EHBP1: variants seen among roughly 807,000 people sequenced by gnomAD.
EHBP1 encodes EH domain binding protein 1.
In EHBP1, 55 loss-of-function variants were observed where a neutral mutation model predicts 144.0. The ratio of observed to expected loss-of-function variants is 0.38; its 90% confidence interval spans 0.31 to 0.48. EHBP1 has a LOEUF of 0.48. Among genes scored for constraint, EHBP1 ranks in the 20% least tolerant of loss-of-function variants. The pLI, the probability that EHBP1 is intolerant of heterozygous loss-of-function variation, is 0.98. For missense variants in EHBP1, 1,200 were observed against 1,364.2 expected (o/e 0.88, Z 1.90); for synonymous variants, 469 against 472.7 (o/e 0.99, Z 0.10).
chr2:62,837,708 G>C (rs2047401730), intron 7 of EHBP1, among the ~76,000 whole-genome samples: 1 of 149,944 alleles, frequency 6.7e-6, no homozygotes, highest in South Asian at 2.1e-4. Flanking sequence ...TGATAAAACA[G>C]ACTTTAAACC....
intron 1 of EHBP1, chr2:62,706,598 C>T (rs1414266188): frequency 6.5e-6 from 1 of 152,870 alleles, no homozygotes; most frequent in Non-Finnish European, 1.5e-5. Context: ...GCTCTGCTCG[C>T]CCTTCAGTGA....
intron 1 of EHBP1, among the ~76,000 whole-genome samples, chr2:62,700,214 A>G (rs983411285): frequency 1.3e-5 from 2 of 152,198 alleles, no homozygotes; most frequent in African/African-American, 4.8e-5. Flanking sequence ...TAGGTTTTAA[A>G]TTATTTTATT....
chr2:62,994,897 T>C (rs1036184947), intron 18 of EHBP1, among the ~76,000 whole-genome samples: 4 of 152,176 alleles, frequency 2.6e-5, no homozygotes, highest in African/African-American at 9.6e-5. Context: ...TACTTAACTA[T>C]ACTATGTACT....
chr2:63,024,593 C>G (rs2060895048), intron 19 of EHBP1, among the ~76,000 whole-genome samples: 1 of 102,816 alleles, frequency 9.7e-6, no homozygotes, highest in Non-Finnish European at 2.0e-5. Flanking sequence ...CACAGCAAGA[C>G]CCTGTCTCAA....
At position 62,857,847 on chromosome 2, in the gene EHBP1, A is replaced by G. The variant is rs898155221; in HGVS notation, c.635-1322A>G. Reference sequence around the variant, plus strand: ...AGCATATACTCTAAAGTTGCCTTAAAAGAACAGATCCTATTAAAAAAAAAA... The same window carrying G: ...AGCATATACTCTAAAGTTGCCTTAAGAGAACAGATCCTATTAAAAAAAAAA... On this transcript the variant is annotated intron_variant, in intron 7 of 22. Coordinates refer to ENST00000431489, the MANE Select transcript of EHBP1 (RefSeq NM_001142616.3). Among the ~76,000 whole-genome samples, 5 of 152,016 alleles carry G rather than the reference A, an allele frequency of 3.3e-5. No individual in the cohort carries two copies. The East Asian group carries it at 9.6e-4, about 29-fold the overall frequency.
intron 19 of EHBP1, among the ~76,000 whole-genome samples, chr2:63,025,381 G>C (rs1480838404): frequency 6.6e-6 from 1 of 152,130 alleles, no homozygotes; most frequent in African/African-American, 2.4e-5. Flanking sequence ...CCCGCCTCAG[G>C]CTCTGAGTGG....
chr2:62,993,562 A>G lies in EHBP1; in HGVS notation c.2766A>G (p.Leu922=), dbSNP rs563507646. 3 of 1,601,520 alleles carry G rather than the reference A, an allele frequency of 1.9e-6. No homozygotes were observed. The highest frequency in any genetic ancestry group is 2.2e-5 in the South Asian group (2 of 89,072). ...CAGAAGATCTCCGGACTGAACGATT[A>G]CAAAAAACAACAGAACGTTTTAGAA... ...SGTEDLRTER[L]QKTTERFRNP... Residue 922 remains leucine (L), a synonymous_variant, in exon 17 of 23, where the codon TTA becomes TTG. Transcript: ENST00000431489.
In EHBP1 at chr2:62,798,998, C is replaced by T. The variant is rs539218882; in HGVS notation, c.313-27089C>T. On this transcript the variant is annotated intron_variant, in intron 5 of 22. Coordinates refer to ENST00000431489, the MANE Select transcript of EHBP1 (RefSeq NM_001142616.3). ...CAGCCTGGGTGACAAAGCAAGACTC[C>T]GTCTCAAAAAAAAAAAAAAAAAAAA... Among the ~76,000 whole-genome samples the T allele has an allele frequency of 4.2e-4, 45 of 107,512 alleles. 2 individuals carry two copies. The highest frequency in any genetic ancestry group is 3.9e-3 in the East Asian group (14 of 3,602). The allele number at this position is 107,512 out of a possible 152,430, so 70.5% of individuals were successfully genotyped here. A position where few individuals can be genotyped will look rare whatever the true frequency, so the allele number is the denominator to read the frequency against.
intron 15 of EHBP1, among the ~76,000 whole-genome samples, chr2:62,983,589 G>A (rs2059061788): frequency 6.6e-6 from 1 of 152,158 alleles, no homozygotes; most frequent in African/African-American, 2.4e-5. Context: ...TGCCCAAGCT[G>A]GAGTGCAATG....
intron 2 of EHBP1, among the ~76,000 whole-genome samples, chr2:62,746,936 A>C (rs1156771842): frequency 6.6e-6 from 1 of 152,080 alleles, no homozygotes; most frequent in African/African-American, 2.4e-5. Context: ...ATTGGCTATA[A>C]TAATGTTTTA....
intron 2 of EHBP1, among the ~76,000 whole-genome samples, chr2:62,719,487 G>A (rs559629306): frequency 6.6e-6 from 1 of 152,278 alleles, no homozygotes; most frequent in South Asian, 2.1e-4. Context: ...CAGGGGCACT[G>A]CAGAGAACTC....
At chr2:62,963,641 T>C (rs1248128667) in intron 14 of EHBP1, among the ~76,000 whole-genome samples, 1 of 152,204 alleles carries the variant, frequency 6.6e-6, no homozygotes, top group Non-Finnish European at 1.5e-5. Flanking sequence ...TCAATTCTAC[T>C]GTTAGGAAGA....
chr2:63,010,480 A>T (rs1381654385), intron 19 of EHBP1, among the ~76,000 whole-genome samples: 1 of 151,746 alleles, frequency 6.6e-6, no homozygotes, highest in Non-Finnish European at 1.5e-5. Flanking sequence ...TCACAGCTAA[A>T]TGAATCCCTA....
intron 4 of EHBP1, among the ~76,000 whole-genome samples, chr2:62,770,717 T>C (rs2041596484): frequency 6.6e-6 from 1 of 152,182 alleles, no homozygotes; most frequent in African/African-American, 2.4e-5. Context: ...TGTAAATTCA[T>C]TGCAGCACTA....
At chr2:62,955,972 A>G (rs965139810) in intron 14 of EHBP1, 4 of 195,668 alleles carry the variant, frequency 2.0e-5, no homozygotes, top group Non-Finnish European at 3.1e-5. Context: ...TATTTTGTCA[A>G]TGGAAGTTAA....
intron 9 of EHBP1, among the ~76,000 whole-genome samples, chr2:62,868,525 C>G (rs1342731918): frequency 3.9e-5 from 6 of 152,158 alleles, no homozygotes; most frequent in Non-Finnish European, 4.4e-5. Context: ...AATATTAAAA[C>G]GTTTTTCTCT....
intron 2 of EHBP1, among the ~76,000 whole-genome samples, chr2:62,719,320 A>G (rs2035983759): frequency 6.6e-6 from 1 of 152,088 alleles, no homozygotes; most frequent in Non-Finnish European, 1.5e-5. Flanking sequence ...TTGCATTATA[A>G]TTGTACTTCT....
chr2:62,849,332 C>T (rs1198593400), intron 7 of EHBP1, among the ~76,000 whole-genome samples: 1 of 152,056 alleles, frequency 6.6e-6, no homozygotes, highest in Non-Finnish European at 1.5e-5. Context: ...GGGCCATCTG[C>T]GAGTTGTTCT....
At chr2:63,012,408 C>G (rs2060305258) in intron 19 of EHBP1, among the ~76,000 whole-genome samples, 1 of 152,068 alleles carries the variant, frequency 6.6e-6, no homozygotes, top group African/African-American at 2.4e-5. Context: ...ACTGTAGATA[C>G]TTGTCATAAA....
Sources: allele counts gnomAD v4.1 joint callset (sites outside exome capture counted in the v4.1 genomes callset), GRCh38; gene constraint gnomAD v4.1.1; transcripts MANE v1.5; gene names NCBI Gene and HGNC (gene_info 2026-07-23, HGNC 2026-07-21).